The following DIPK2B variants were observed in gnomAD, a reference collection of about 807,000 sequenced individuals.
DIPK2B encodes the protein UPF0672 protein CXorf36.
In DIPK2B, 15 loss-of-function variants were observed where a neutral mutation model predicts 22.2. The observed-to-expected ratio is 0.68, with a 90% CI of 0.45 to 1.04. DIPK2B has a LOEUF of 1.04. DIPK2B is among the 50% of genes least tolerant of loss of function. The pLI, the probability that DIPK2B is intolerant of heterozygous loss-of-function variation, is 0.00. For synonymous variants in DIPK2B, 163 were observed against 153.2 expected (o/e 1.06, Z -0.47); for missense variants, 345 against 348.3 (o/e 0.99, Z 0.08).
At position 45,150,862 on chromosome X, in the gene DIPK2B, C is replaced by G. The variant is rs977035835; in HGVS notation, c.*790G>C. 2.7e-5 allele frequency: 3 copies of G among 111,734 alleles called. No individual in the cohort carries two copies. Among genetic ancestry groups the G allele is most frequent in the Non-Finnish European group, 5.6e-5 (3 of 53,114 alleles). The allele number at this position is 111,734 out of a possible 1,213,427, so 9.2% of individuals were successfully genotyped here. A position where few individuals can be genotyped will look rare whatever the true frequency, so the allele number is the denominator to read the frequency against. On this transcript the variant is annotated 3_prime_UTR_variant, in exon 5 of 5. Transcript: ENST00000398000. ...ATCTTCTCCGGCTCCCTCCTTCTTT[C>G]CTTACACACAATCATTTCCCCTAAC...
intron 2 of DIPK2B, among the ~76,000 whole-genome samples, chrX:45,174,000 G>A (rs187561593): frequency 9.0e-6 from 1 of 111,211 alleles, no homozygotes; most frequent in Non-Finnish European, 1.9e-5. Context: ...GAAGGGTCTG[G>A]GGAGAAAGAA....
At position 45,182,203 on chromosome X, in the gene DIPK2B, A is replaced by G. The variant is rs145831013; in HGVS notation, c.498+9548T>C. ...AATATAACTTGTATAACTTGTACTA[A>G]TTAATAAGAAAGACAATCCAGTAAA... On this transcript the variant is annotated intron_variant, in intron 2 of 4. Transcript: ENST00000398000. 4.2e-3 allele frequency among the ~76,000 whole-genome samples: 471 copies of G among 112,027 alleles called. 4 individuals are homozygous for G. Among genetic ancestry groups the G allele is most frequent in the African/African-American group, 0.014 (446 of 30,889 alleles).
At chrX:45,181,442 C>T (rs1603111263) in intron 2 of DIPK2B, among the ~76,000 whole-genome samples, 1 of 112,081 alleles carries the variant, frequency 8.9e-6, no homozygotes, top group East Asian at 2.8e-4. Context: ...GCGTACACTA[C>T]AGGACATCAA....
At chrX:45,198,014 A>G (rs1462477648) in intron 1 of DIPK2B, among the ~76,000 whole-genome samples, 2 of 112,702 alleles carry the variant, frequency 1.8e-5, no homozygotes, top group Non-Finnish European at 3.7e-5. Flanking sequence ...ATTATGGTTG[A>G]TTGATGCAAT....
chrX:45,170,327 C>G (rs1301404321), intron 2 of DIPK2B, among the ~76,000 whole-genome samples: 1 of 111,071 alleles, frequency 9.0e-6, no homozygotes, highest in African/African-American at 3.3e-5. Flanking sequence ...CACTGTGGCC[C>G]AGGGACAGGT....
chrX:45,152,044 G>A (rs1312803691), intron 4 of DIPK2B, 52 bp from the exon 5 acceptor site: 7 of 1,062,566 alleles, frequency 6.6e-6, no homozygotes, highest in Admixed American at 5.9e-5. Flanking sequence ...GCTCCTTGAG[G>A]GAGGGCACCA....
chrX:45,173,351 A>C (rs1453985270), intron 2 of DIPK2B, among the ~76,000 whole-genome samples: 1 of 110,324 alleles, frequency 9.1e-6, no homozygotes, highest in Non-Finnish European at 1.9e-5. Context: ...AGGCTTGGGT[A>C]GGCAGCTTCT....
intron 2 of DIPK2B, among the ~76,000 whole-genome samples, chrX:45,171,436 G>A (rs1467601012): frequency 9.0e-6 from 1 of 111,045 alleles, no homozygotes; most frequent in African/African-American, 3.3e-5. Context: ...GAACCTCTAG[G>A]GCAGGTGTGC....
At chrX:45,175,647 A>G (rs1282200526) in intron 2 of DIPK2B, among the ~76,000 whole-genome samples, 6 of 102,625 alleles carry the variant, frequency 5.8e-5, no homozygotes, top group Non-Finnish European at 1.2e-4. Context: ...ATATATACAC[A>G]TATATACTTA....
At chrX:45,164,901 C>T (rs980484612) in intron 2 of DIPK2B, among the ~76,000 whole-genome samples, 9 of 111,622 alleles carry the variant, frequency 8.1e-5, no homozygotes, top group African/African-American at 2.9e-4. Context: ...CATTCCAATG[C>T]TCCTTATTGG....
chrX:45,166,243 A>G (rs1217646741), intron 2 of DIPK2B, among the ~76,000 whole-genome samples: 1 of 111,558 alleles, frequency 9.0e-6, no homozygotes, highest in African/African-American at 3.3e-5. Flanking sequence ...TGGTCGCTGG[A>G]TGCCAGGGCT....
intron 2 of DIPK2B, chrX:45,162,843 G>A (rs1031833995): frequency 2.3e-5 from 17 of 752,546 alleles, no homozygotes; most frequent in African/African-American, 4.6e-5. Context: ...TGTCTCTATT[G>A]ACTGGAATTT....
At chrX:45,199,504 A>G (rs1467569396) in intron 1 of DIPK2B, among the ~76,000 whole-genome samples, 1 of 111,393 alleles carries the variant, frequency 9.0e-6, no homozygotes, top group Non-Finnish European at 1.9e-5. Context: ...TCATGCCTCC[A>G]CATACACCCC....
chrX:45,176,738 C>A (rs1433003550), intron 2 of DIPK2B, among the ~76,000 whole-genome samples: 2 of 111,888 alleles, frequency 1.8e-5, no homozygotes, highest in African/African-American at 6.5e-5. Context: ...CTTGGGCCAG[C>A]TTACTAGGCA....
Position 45,200,815 on chromosome X carries a change from C to A in DIPK2B, c.12G>T (p.Gln4His). The change falls in exon 1 of 5, where the codon CAG (glutamine) becomes CAT (histidine). Residue 4 changes from glutamine to histidine, a missense_variant. Physicochemically the swap from Gln to His is conservative, Grantham distance 24. Coordinates refer to ENST00000398000, the MANE Select transcript of DIPK2B (RefSeq NM_176819.4). MEP[Q>H]LGPEAAALRP... ...GGAGGGCGGCAGCCTCAGGCCCCAG[C>A]TGGGGCTCCATCTTGGGCTCTGGGC... 1 of 1,185,390 alleles carries A rather than the reference C, an allele frequency of 8.4e-7. No individual in the cohort carries two copies. Among genetic ancestry groups the A allele is most frequent in the Non-Finnish European group, 1.1e-6 (1 of 881,651 alleles).
At chrX:45,199,136 T>C (rs752026839) in intron 1 of DIPK2B, among the ~76,000 whole-genome samples, 1 of 112,360 alleles carries the variant, frequency 8.9e-6, no homozygotes, top group Non-Finnish European at 1.9e-5. Flanking sequence ...AAAGGCTTAA[T>C]AGGAAAAGTC....
intron 2 of DIPK2B, among the ~76,000 whole-genome samples, chrX:45,171,270 C>A (rs928772641): frequency 9.0e-6 from 1 of 111,041 alleles, no homozygotes; most frequent in African/African-American, 3.3e-5. Flanking sequence ...CTACTTTTGC[C>A]ATGAAGATTC....
At position 45,151,748 on chromosome X, in the gene DIPK2B, G is replaced by A. The variant is rs765796402; in HGVS notation, c.1206C>T (p.Ala402=). 5.8e-6 allele frequency: 7 copies of A among 1,210,158 alleles called. No individual in the cohort carries two copies. Among genetic ancestry groups the A allele is most frequent in the East Asian group, 3.0e-5 (1 of 33,766 alleles). The part of the protein sequence containing the change: ...SIRPDPEVLG[A]ASQLKDILRP... Reference sequence around the variant, plus strand: ...TCAAGATGTCTTTCAGCTGGCTGGCGGCCCCAAGGACTTCTGGGTCTGGGC... The same window carrying A: ...TCAAGATGTCTTTCAGCTGGCTGGCAGCCCCAAGGACTTCTGGGTCTGGGC... Residue 402 remains alanine (A), a synonymous_variant, in exon 5 of 5, where the codon GCC becomes GCT. Coordinates refer to ENST00000398000, the MANE Select transcript of DIPK2B (RefSeq NM_176819.4).
At chrX:45,164,237 C>T (rs1001295085) in intron 2 of DIPK2B, 3 of 1,197,509 alleles carry the variant, frequency 2.5e-6, no homozygotes, top group African/African-American at 3.5e-5. Context: ...TCTCTCTGGC[C>T]CTGGTGACAG....
Sources: gnomAD v4.1 joint callset for allele counts (sites outside exome capture counted in the v4.1 genomes callset) on GRCh38, gnomAD v4.1.1 for gene constraint, MANE v1.5 for transcripts, NCBI Gene and HGNC (gene_info 2026-07-23, HGNC 2026-07-21) for gene names.